URGCP: variants seen among roughly 807,000 people sequenced by gnomAD.
URGCP encodes up-regulator of cell proliferation.
Under a neutral mutation model 24.6 loss-of-function variants are expected in URGCP, and 13 were observed. The observed-to-expected ratio is 0.53, with a 90% CI of 0.34 to 0.84. The LOEUF (loss-of-function observed/expected upper bound fraction) is 0.84, where lower values mean the gene tolerates loss of function less well. Ranked by LOEUF, URGCP falls within the 40% of genes least tolerant of loss-of-function variation. The pLI is 0.01. For synonymous variants in URGCP, 444 were observed against 487.2 expected, an observed-to-expected ratio of 0.91 and a Z score of 1.17; for missense variants, 899 against 1,194.3, an observed-to-expected ratio of 0.75 and a Z score of 3.64.
At chr7:43,918,076 C>A (rs1374274471) in intron 1 of URGCP, among the ~76,000 whole-genome samples, 1 of 151,896 alleles carries the variant, frequency 6.6e-6, no homozygotes. Flanking sequence ...GAGTTCTAGA[C>A]CATCCTGGGC....
At chr7:43,896,200 T>C (rs1169770633) in intron 1 of URGCP, among the ~76,000 whole-genome samples, 2 of 151,468 alleles carry the variant, frequency 1.3e-5, no homozygotes, top group Non-Finnish European at 2.9e-5. Flanking sequence ...TAGGGAGAGG[T>C]TGGTTAAGAT....
chr7:43,923,011 C>T (rs538689976), intron 1 of URGCP, among the ~76,000 whole-genome samples: 80 of 151,608 alleles, frequency 5.3e-4, no homozygotes, highest in African/African-American at 1.9e-3. Context: ...GAAGGAGTCT[C>T]GCTCTGTTGC....
rs1455565195 is a variant in URGCP at position 43,878,549 on chromosome 7, C to T, written c.914G>A (p.Arg305Gln). Residue 305 changes from arginine (R) to glutamine (Q), a missense_variant, in exon 6 of 6, where the codon CGG becomes CAG. Coordinates refer to ENST00000453200, the MANE Select transcript of URGCP (RefSeq NM_001077663.3). The surrounding 1 kb of genome is among the most constrained non-coding windows in gnomAD (Gnocchi z 5.6). ...TTCTACCAACCCATCCGAAATCTCCCGGGCATTGGTGCCCAAGTTGAGGTC... is the reference window on the plus strand; with the variant it reads ...TTCTACCAACCCATCCGAAATCTCCTGGGCATTGGTGCCCAAGTTGAGGTC... ...HRDLNLGTNA[R>Q]EISDGLVEIS... 2.5e-6 allele frequency: 4 copies of T among 1,614,096 alleles called. No homozygotes were observed. The highest frequency in any genetic ancestry group is 1.7e-5 in the Admixed American group (1 of 60,010).
intron 1 of URGCP, chr7:43,888,781 T>C (rs539792098): frequency 2.6e-5 from 4 of 152,268 alleles, no homozygotes; most frequent in Non-Finnish European, 5.9e-5. Flanking sequence ...AGTGTACACA[T>C]GCATCTATTT....
intron 5 of URGCP, among the ~76,000 whole-genome samples, chr7:43,880,894 A>G (rs2095852748): frequency 6.6e-6 from 1 of 152,230 alleles, no homozygotes; most frequent in Non-Finnish European, 1.5e-5. Flanking sequence ...CTGTTTCCCA[A>G]GAAGGTCAAG....
In URGCP at chr7:43,877,431, G is replaced by A. The variant is rs1289359116; in HGVS notation, c.2032C>T (p.Leu678Phe). The A allele has an allele frequency of 6.2e-7, 1 of 1,613,396 alleles. No homozygotes were observed. The highest frequency in any genetic ancestry group is 1.3e-5 in the African/African-American group (1 of 74,934). Residue 678 changes from leucine (L) to phenylalanine (F), a missense_variant, in exon 6 of 6, where the codon CTC becomes TTC. Physicochemically the swap from Leu to Phe is conservative, Grantham distance 22 (BLOSUM62 0). Transcript: ENST00000453200. ...LSMPVRWVTG[L>F]LKELHVRLER... is the part of the protein sequence containing the mutation. The stretch of plus-strand genomic sequence containing the variant: ...AGTCGGACGTGCAGCTCCTTCAGGA[G>A]CCCTGTGACCCAGCGGACGGGCATG...
intron 1 of URGCP, among the ~76,000 whole-genome samples, chr7:43,922,064 C>T (rs920936339): frequency 2.6e-5 from 4 of 151,254 alleles, no homozygotes; most frequent in East Asian, 1.9e-4. Context: ...AGCTAATTTC[C>T]GTTTTTGTTT....
Position 43,919,779 on chromosome 7 carries a change from T to C in URGCP, c.-116+6353A>G, listed in dbSNP as rs2095920016. ...CCCCACCAGCATCCAGGTGGCCCTG[T>C]CGAGGAAGTCTCCTTACCTGCCCTT... On this transcript the variant is annotated intron_variant, in intron 1 of 5. Coordinates refer to the URGCP transcript ENST00000426198. 4 of 1,342,248 alleles carry C rather than the reference T, an allele frequency of 3.0e-6. No individual in the cohort carries two copies. The East Asian group carries it at 9.2e-5, about 31-fold the overall frequency. 83.1% of individuals were successfully genotyped at this position (1,342,248 alleles called of 1,614,324 possible). A position where few individuals can be genotyped will look rare whatever the true frequency, so the allele number is the denominator to read the frequency against.
chr7:43,876,609 C>T lies in URGCP; in HGVS notation c.*58G>A, dbSNP rs557013176. The T allele has an allele frequency of 1.3e-6, 2 of 1,560,196 alleles. No individual in the cohort carries two copies. Among genetic ancestry groups the T allele is most frequent in the Admixed American group, 3.6e-5 (2 of 55,964 alleles). On this transcript the variant is annotated 3_prime_UTR_variant, in exon 6 of 6. Transcript: ENST00000453200. ...AGAGCACAGCCCCACACGGGTGCCC[C>T]ATCAGACAGGGCTGCCCACAGCAGC...
intron 1 of URGCP, among the ~76,000 whole-genome samples, chr7:43,894,270 T>C (rs1040816770): frequency 2.0e-5 from 3 of 152,206 alleles, no homozygotes; most frequent in African/African-American, 7.2e-5. Flanking sequence ...CTTCAAAATA[T>C]ACATTCTTCT....
chr7:43,919,303 T>A (rs564215442), intron 1 of URGCP: 1 of 827,102 alleles, frequency 1.2e-6, no homozygotes, highest in Admixed American at 1.7e-5. Flanking sequence ...GACTGTGTGG[T>A]GGTGCTGCAC....
intron 1 of URGCP, chr7:43,889,618 A>G (rs1452930444): frequency 1.3e-5 from 2 of 152,236 alleles, no homozygotes; most frequent in Non-Finnish European, 2.9e-5. Context: ...CTTTCCTGTC[A>G]TATGTTTGAA....
chr7:43,917,444 A>G (rs1186128197), intron 1 of URGCP, among the ~76,000 whole-genome samples: 1 of 152,158 alleles, frequency 6.6e-6, no homozygotes, highest in Non-Finnish European at 1.5e-5. Context: ...ACTTTGCTGC[A>G]GGCCTCCATC....
intron 1 of URGCP, among the ~76,000 whole-genome samples, chr7:43,913,698 CATTT>C (rs775583827): frequency 5.9e-5 from 9 of 151,320 alleles, no homozygotes; most frequent in Admixed American, 6.6e-5. Flanking sequence ...TATTTTATTT[CATTT>C]ATTTATTTAT....
chr7:43,925,798 C>CT lies in URGCP; in HGVS notation c.-116+333dup, dbSNP rs60736722. Among the ~76,000 whole-genome samples the CT allele has an allele frequency of 4.3e-3, 497 of 116,558 alleles. 12 individuals are homozygous for CT. The highest frequency in any genetic ancestry group is 0.01 in the Middle Eastern group (2 of 196). 76.5% of individuals were successfully genotyped at this position (116,558 alleles called of 152,430 possible). A position where few individuals can be genotyped will look rare whatever the true frequency, so the allele number is the denominator to read the frequency against. On this transcript the variant is annotated intron_variant, in intron 1 of 5. Coordinates refer to the URGCP transcript ENST00000426198. The stretch of plus-strand genomic sequence containing the variant: ...TATAGGCGTGAGCCACCTCGTCTGG[C>CT]TTTTTTTTTTTTTTTTTCAAAAAAA...
chr7:43,900,891 C>T (rs994221426), intron 1 of URGCP, among the ~76,000 whole-genome samples: 1 of 152,206 alleles, frequency 6.6e-6, no homozygotes, highest in African/African-American at 2.4e-5. Context: ...CTTACTTCAG[C>T]TTTATCAAAG....
In URGCP at chr7:43,876,410, G is replaced by C; in HGVS notation, c.*257C>G. On this transcript the variant is annotated 3_prime_UTR_variant, in exon 6 of 6. Coordinates refer to ENST00000453200, the MANE Select transcript of URGCP (RefSeq NM_001077663.3). ...CCCCGCAGGATCCTTGACAGGAGCT[G>C]AGACAGAACAAACTGCTGCTTGTCT... 2.0e-6 allele frequency: 1 copy of C among 509,464 alleles called. No individual in the cohort carries two copies. Among genetic ancestry groups the C allele is most frequent in the South Asian group, 2.3e-5 (1 of 42,680 alleles). 31.6% of individuals were successfully genotyped at this position (509,464 alleles called of 1,614,324 possible).
rs1585841478 is a variant in URGCP at position 43,919,781 on chromosome 7, G to A, written c.-116+6351C>T. ...CCACCAGCATCCAGGTGGCCCTGTC[G>A]AGGAAGTCTCCTTACCTGCCCTTGG... On this transcript the variant is annotated intron_variant, in intron 1 of 5. Transcript: ENST00000426198. 6.7e-6 allele frequency: 9 copies of A among 1,342,380 alleles called. No homozygotes were observed. In the East Asian group the frequency reaches 1.4e-4, roughly 21 times the overall value. 83.2% of individuals were successfully genotyped at this position (1,342,380 alleles called of 1,614,324 possible). A position where few individuals can be genotyped will look rare whatever the true frequency, so the allele number is the denominator to read the frequency against.
At position 43,876,444 on chromosome 7, in the gene URGCP, T is replaced by C. The variant is rs1204742007; in HGVS notation, c.*223A>G. On this transcript the variant is annotated 3_prime_UTR_variant, in exon 6 of 6. Transcript: ENST00000453200. ...CAAACTGCTGCTTGTCTCCCTACCC[T>C]GGGGGCTGTGATATTCTTGGTAACA... The C allele has an allele frequency of 1.0e-5, 6 of 575,900 alleles. No individual in the cohort carries two copies. The highest frequency in any genetic ancestry group is 1.5e-5 in the Non-Finnish European group (5 of 326,324). 35.7% of individuals were successfully genotyped at this position (575,900 alleles called of 1,614,324 possible).
Sources: gnomAD v4.1 joint callset for allele counts (sites outside exome capture counted in the v4.1 genomes callset) on GRCh38, gnomAD v4.1.1 for gene constraint, Gnocchi (gnomAD v3.1) non-coding constraint, MANE v1.5 for transcripts, NCBI Gene and HGNC (gene_info 2026-07-23, HGNC 2026-07-21) for gene names.